The following LY9 variants were observed in gnomAD, a reference collection of about 807,000 sequenced individuals.
The protein encoded by LY9 is lymphocyte antigen 9, also known as T-lymphocyte surface antigen Ly-9.
A neutral mutation model predicts 64.6 loss-of-function variants in LY9; 59 were observed. The ratio of observed to expected loss-of-function variants is 0.91; its 90% confidence interval spans 0.74 to 1.13. The LOEUF is 1.13. LY9 is among the 50% of genes most tolerant of loss of function. The probability of loss-of-function intolerance (pLI) is 0.00; values close to 1 mark genes in which losing one functional copy is unlikely to be tolerated. For synonymous variants in LY9, 281 were observed against 308.5 expected (o/e 0.91, Z 0.93); for missense variants, 789 against 797.2 (o/e 0.99, Z 0.12).
In LY9 at chr1:160,814,729, C is replaced by T; in HGVS notation, c.1040C>T (p.Thr347Ile). The change falls in exon 4 of 10, where the codon ACC becomes ATC. Residue 347 changes from threonine (T) to isoleucine (I), a missense_variant. Physicochemically the swap from Thr to Ile is moderately conservative, Grantham distance 89. Transcript: ENST00000263285. ...AYVCSEASSV[T>I]SMTHVTLLIY... ...GTGTGCTCAGAGGCCTCCAGCGTCA[C>T]CAGCATGACACATGTCACCCTGCTC... is the stretch of plus-strand genomic sequence containing the variant. 3.1e-6 allele frequency: 5 copies of T among 1,613,916 alleles called. No homozygotes were observed. The highest frequency in any genetic ancestry group is 4.2e-6 in the Non-Finnish European group (5 of 1,179,890).
At chr1:160,816,146 C>G (rs929652672) in intron 4 of LY9, among the ~76,000 whole-genome samples, 1 of 152,156 alleles carries the variant, frequency 6.6e-6, no homozygotes, top group Admixed American at 6.5e-5. Flanking sequence ...TTTAAAGTTG[C>G]TAACATTTAT....
chr1:160,824,105 C>T lies in LY9; in HGVS notation c.1831-76C>T, dbSNP rs529324462. 3 of 1,570,154 alleles carry T rather than the reference C, an allele frequency of 1.9e-6. No individual in the cohort carries two copies. The African/African-American group carries it at 4.1e-5, about 21-fold the overall frequency. ...GATGGGAAGCCAGGGGGTATCCCCT[C>T]TCCTCAAGGGTTGAGGGTAAAACTG... On this transcript the variant is annotated intron_variant, in intron 8 of 9. Transcript: ENST00000263285.
At chr1:160,824,772 G>C (rs1463232106) in intron 9 of LY9, 4 of 340,074 alleles carry the variant, frequency 1.2e-5, no homozygotes, top group Non-Finnish European at 1.7e-5. Context: ...AAGGTCAGGA[G>C]ATGGAGACCA....
At chr1:160,809,189 A>AT (rs374287830) in intron 2 of LY9, among the ~76,000 whole-genome samples, 3,122 of 133,714 alleles carry the variant, frequency 0.023, 68 homozygotes, top group African/African-American at 0.059. Context: ...TGGTATATGC[A>AT]TTCTTTTTTT....
At chr1:160,811,124 C>T (rs1162543992) in intron 2 of LY9, 3 of 152,292 alleles carry the variant, frequency 2.0e-5, no homozygotes, top group Non-Finnish European at 2.9e-5. Context: ...TCACCCTACC[C>T]AAGGCTTGTG....
chr1:160,818,453 G>C, intron 6 of LY9, 134 bp downstream of exon 6: 1 of 631,270 alleles, frequency 1.6e-6, no homozygotes, highest in East Asian at 2.8e-5. Flanking sequence ...AGCAATGGGG[G>C]AGGGGTGTCA....
At chr1:160,819,248 G>T in intron 6 of LY9, 73 bp from the exon 7 acceptor site, 1 of 1,125,546 alleles carries the variant, frequency 8.9e-7, no homozygotes, top group South Asian at 1.2e-5. Flanking sequence ...CTTCTCATTT[G>T]ACTCTCACAG....
chr1:160,822,388 C>G (rs1668538762), intron 7 of LY9, among the ~76,000 whole-genome samples: 2 of 152,148 alleles, frequency 1.3e-5, no homozygotes, highest in South Asian at 4.1e-4. Flanking sequence ...TTGCCGCACC[C>G]TAATCTTCTT....
rs867266990 is a variant in LY9 at position 160,816,128 on chromosome 1, T to C, written c.1073-466T>C. Among the ~76,000 whole-genome samples the C allele has an allele frequency of 6.7e-4, 102 of 152,336 alleles. 1 individual carries two copies. The Middle Eastern group carries it at 0.017, about 25-fold the overall frequency. On this transcript the variant is annotated intron_variant, in intron 4 of 9. Coordinates refer to ENST00000263285, the MANE Select transcript of LY9 (RefSeq NM_002348.4). ...CAGGAAACAAATAGAGTCAGTCTTA[T>C]TGTTTCTTTTAAAGTTGCTAACATT...
Position 160,816,608 on chromosome 1 carries a change from C to T in LY9, c.1087C>T (p.Pro363Ser). ...TCTCCTCACAGGCAGGCTGAGGAAGCCCAAAATCACGTGGAGCCTCAGGCA... is the reference window on the plus strand; with the variant it reads ...TCTCCTCACAGGCAGGCTGAGGAAGTCCAAAATCACGTGGAGCCTCAGGCA... ...TLLIYRRLRK[P>S]KITWSLRHSE... Residue 363 changes from proline to serine, a missense_variant, in exon 5 of 10, where the codon CCC becomes TCC. Coordinates refer to ENST00000263285, the MANE Select transcript of LY9 (RefSeq NM_002348.4). The T allele has an allele frequency of 1.9e-6, 3 of 1,603,554 alleles. 1 individual carries two copies. The African/African-American group carries it at 4.0e-5, about 21-fold the overall frequency.
intron 6 of LY9, among the ~76,000 whole-genome samples, chr1:160,818,731 C>T (rs532025604): frequency 6.6e-6 from 1 of 152,110 alleles, no homozygotes; most frequent in East Asian, 1.9e-4. Context: ...GGGGTGGGAG[C>T]GAGGGGAGGA....
intron 5 of LY9, among the ~76,000 whole-genome samples, chr1:160,817,796 G>A (rs1668072627): frequency 6.6e-6 from 1 of 152,144 alleles, no homozygotes; most frequent in African/African-American, 2.4e-5. Context: ...CAGAAAAAAG[G>A]TACGGTCTAC....
At chr1:160,803,661 T>G (rs1330093356) in intron 2 of LY9, among the ~76,000 whole-genome samples, 1 of 152,200 alleles carries the variant, frequency 6.6e-6, no homozygotes, top group East Asian at 1.9e-4. Flanking sequence ...ATGAATTCAT[T>G]TATCAAATCT....
At chr1:160,820,126 C>T (rs1668297322) in intron 7 of LY9, among the ~76,000 whole-genome samples, 1 of 152,134 alleles carries the variant, frequency 6.6e-6, no homozygotes, top group Admixed American at 6.5e-5. Flanking sequence ...GTTATTGTCT[C>T]CATTCTGAGA....
At chr1:160,796,384 A>G in intron 1 of LY9, 73 bp downstream of exon 1, 1 of 1,483,104 alleles carries the variant, frequency 6.7e-7, no homozygotes, top group Non-Finnish European at 9.0e-7. Flanking sequence ...CCTGCCTGGG[A>G]GATTCTTTTT....
intron 2 of LY9, among the ~76,000 whole-genome samples, chr1:160,806,579 T>G (rs1464254426): frequency 6.6e-6 from 1 of 152,252 alleles, no homozygotes; most frequent in African/African-American, 2.4e-5. Flanking sequence ...GCCTGCAAAG[T>G]TTCTGCTGAG....
rs779573289 is a variant in LY9, at chr1:160,818,274, T to G, written c.1399T>G (p.Cys467Gly). 6.2e-6 allele frequency: 10 copies of G among 1,613,986 alleles called. No homozygotes were observed. The highest frequency in any genetic ancestry group is 6.8e-6 in the Non-Finnish European group (8 of 1,180,002). ...IGLFLMVCLL[C>G]VGIFSWCIWK... ...GTTGTTCCTGATGGTTTGCCTTCTG[T>G]GCGTTGGGATCTTCAGCTGGTGCAT... The change falls in exon 6 of 10, where the codon TGC becomes GGC. Residue 467 changes from cysteine to glycine, a missense_variant. Cys to Gly is a radical substitution (Grantham distance 159). Coordinates refer to ENST00000263285, the MANE Select transcript of LY9 (RefSeq NM_002348.4).
At chr1:160,807,996 C>T (rs547836395) in intron 2 of LY9, among the ~76,000 whole-genome samples, 38 of 152,192 alleles carry the variant, frequency 2.5e-4, no homozygotes, top group African/African-American at 7.2e-4. Flanking sequence ...GGACAGTAGC[C>T]GCCACCGTGA....
intron 7 of LY9, 102 bp from the exon 8 acceptor site, chr1:160,823,363 C>A: frequency 1.3e-6 from 1 of 791,274 alleles, no homozygotes; most frequent in East Asian, 2.7e-5. Context: ...GTTCTCTAGG[C>A]CTCATCTAAT....
Sources: allele counts gnomAD v4.1 joint callset (sites outside exome capture counted in the v4.1 genomes callset), GRCh38; gene constraint gnomAD v4.1.1; transcripts MANE v1.5; gene names NCBI Gene and HGNC (gene_info 2026-07-23, HGNC 2026-07-21).